Variants in CARHSP1 observed in about 807,000 individuals in gnomAD.
CARHSP1 encodes the protein calcium regulated heat stable protein 1, also known as calcium-regulated heat-stable protein 1.
Under a neutral mutation model 12.5 loss-of-function variants are expected in CARHSP1, and 14 were observed. The ratio of observed to expected loss-of-function variants is 1.12; its 90% CI spans 0.74 to 1.75. The LOEUF (loss-of-function observed/expected upper bound fraction) is 1.75, where lower values mean the gene tolerates loss of function less well. Ranked by LOEUF, CARHSP1 falls within the 40% of genes most tolerant of loss-of-function variation. CARHSP1 has a pLI of 0.00. For missense variants in CARHSP1, 343 were observed against 201.6 expected (o/e 1.70, Z -4.25); for synonymous variants, 161 against 82.0 (o/e 1.96, Z -5.20).
chr16:8,859,255 C>T lies in CARHSP1; in HGVS notation c.74G>A (p.Arg25Gln), dbSNP rs372296266. The change falls in exon 2 of 4, where the codon CGG becomes CAG. Residue 25 changes from arginine to glutamine, a missense_variant. Physicochemically the swap from Arg to Gln is conservative, Grantham distance 43 (BLOSUM62 1). Transcript: ENST00000311052. Reference protein sequence around the residue: ...QASVGLLDTPRSRERSPSPLR... With the variant: ...QASVGLLDTPQSRERSPSPLR... ...AGGGGATGGTGAGCGCTCACGGCTC[C>T]GAGGGGTGTCCAGCAGCCCGACTGA... The T allele has an allele frequency of 5.4e-5, 86 of 1,599,038 alleles. No homozygotes were observed. The highest frequency in any genetic ancestry group is 3.6e-4 in the East Asian group (16 of 44,506).
rs74668771 is a variant in CARHSP1, at chr16:8,856,248, A to C, written c.282-922T>G. ...CCTCTCACATGAGACTGGCATCTTG[A>C]TGTCCCCTTGATGAAACCCCCCCAG... On this transcript the variant is annotated intron_variant, in intron 3 of 3. Coordinates refer to ENST00000311052, the MANE Select transcript of CARHSP1 (RefSeq NM_014316.4). Among the ~76,000 whole-genome samples the C allele has an allele frequency of 5.3e-4, 81 of 152,216 alleles. 1 individual carries two copies. In the East Asian group the frequency reaches 0.014, roughly 26 times the overall value.
At position 8,858,944 on chromosome 16, in the gene CARHSP1, C is replaced by A. The variant is rs1242338129; in HGVS notation, c.158+227G>T. The A allele has an allele frequency of 2.5e-5, 12 of 471,104 alleles. No individual in the cohort carries two copies. The East Asian group carries it at 3.9e-4, about 15-fold the overall frequency. The allele number at this position is 471,104 out of a possible 1,614,324, so 29.2% of individuals were successfully genotyped here. On this transcript the variant is annotated intron_variant, in intron 2 of 3. Transcript: ENST00000311052. ...CAGCGATTCTGACCCCAGCAACTGCCCACCCATTGCCACTCCCAGCTGGTA... is the reference window on the plus strand; with the variant it reads ...CAGCGATTCTGACCCCAGCAACTGCACACCCATTGCCACTCCCAGCTGGTA...
intron 2 of CARHSP1, 136 bp downstream of exon 2, chr16:8,859,035 G>A (rs1455033684): frequency 2.6e-6 from 2 of 766,026 alleles, no homozygotes; most frequent in Non-Finnish European, 4.0e-6. Flanking sequence ...CTCACCCTCA[G>A]CCCACGGCCC....
intron 1 of CARHSP1, among the ~76,000 whole-genome samples, chr16:8,861,058 A>AG (rs2061337068): frequency 3.4e-5 from 1 of 29,256 alleles, no homozygotes. Context: ...TCAAAAAAAA[A>AG]TAAATAACTT....
chr16:8,858,324 GCCA>G, intron 3 of CARHSP1, 23 bp downstream of exon 3: 1 of 1,609,608 alleles, frequency 6.2e-7, no homozygotes, highest in Non-Finnish European at 8.5e-7. Flanking sequence ...CCCCAGCCAG[GCCA>G]CCCAGACCTG....
intron 1 of CARHSP1, chr16:8,866,431 C>T: frequency 5.1e-6 from 5 of 985,288 alleles, no homozygotes; most frequent in Non-Finnish European, 6.0e-6. Context: ...CCTTAGTGCA[C>T]CTGGGTTCCT....
At chr16:8,860,369 G>C (rs886460789) in intron 1 of CARHSP1, 27 of 985,380 alleles carry the variant, frequency 2.7e-5, no homozygotes, top group Middle Eastern at 5.2e-4. Flanking sequence ...TCCAGCTGGA[G>C]GGCGGGAATT....
chr16:8,859,233 G>C lies in CARHSP1; in HGVS notation c.96C>G (p.Ser32=), dbSNP rs1376364432. 2 of 1,602,180 alleles carry C rather than the reference G, an allele frequency of 1.2e-6. No homozygotes were observed. The highest frequency in any genetic ancestry group is 1.1e-5 in the South Asian group (1 of 89,238). The change falls in exon 2 of 4, where the codon TCC becomes TCG. Residue 32 remains serine (S), a synonymous_variant. Transcript: ENST00000311052. ...DTPRSRERSP[S]PLRGNVVPSP... ...TTGGGACCACGTTGCCCCGCAGAGG[G>C]GATGGTGAGCGCTCACGGCTCCGAG...
chr16:8,861,697 C>T, intron 1 of CARHSP1: 2 of 1,288,968 alleles, frequency 1.6e-6, no homozygotes, highest in Non-Finnish European at 2.0e-6. Flanking sequence ...ACAGCCGCGG[C>T]CAAGGAGGAA....
At chr16:8,858,892 A>C in intron 2 of CARHSP1, 2 of 421,710 alleles carry the variant, frequency 4.7e-6, no homozygotes, top group East Asian at 3.8e-5. Context: ...CTCACAGGGA[A>C]CCAGACTCTC....
In CARHSP1 at chr16:8,858,347, C is replaced by G. The variant is rs758208221; in HGVS notation, c.281+3G>C. On this transcript the variant is annotated splice_donor_region_variant and intron_variant, in intron 3 of 3. Transcript: ENST00000311052. ...AGGCCACCCAGACCTGCCGCTGACT[C>G]ACTCAGAGATGTGCAGGAAGATGTC... 11 of 1,613,336 alleles carry G rather than the reference C, an allele frequency of 6.8e-6. No homozygotes were observed. Among genetic ancestry groups the G allele is most frequent in the East Asian group, 2.2e-5 (1 of 44,876 alleles).
chr16:8,868,323 A>G (rs1292456001), intron 1 of CARHSP1: 1 of 152,130 alleles, frequency 6.6e-6, no homozygotes, highest in Non-Finnish European at 1.5e-5. Flanking sequence ...TCCGGCCTGC[A>G]AACCTGAACC....
At chr16:8,866,713 A>G (rs1023060812) in intron 1 of CARHSP1, among the ~76,000 whole-genome samples, 65 of 136,010 alleles carry the variant, frequency 4.8e-4, no homozygotes, top group Non-Finnish European at 4.9e-4. Flanking sequence ...GGGGAGGGAC[A>G]CGAAGGGATG....
rs1043972770 is a variant in CARHSP1 at position 8,858,627 on chromosome 16, G to A, written c.159-155C>T. ...GAGGACTGCACAACCCTCAACCCTG[G>A]GAGCCGCTCACAAAGACGCTGGGGG... On this transcript the variant is annotated intron_variant, in intron 2 of 3. Coordinates refer to ENST00000311052, the MANE Select transcript of CARHSP1 (RefSeq NM_014316.4). 29 of 906,688 alleles carry A rather than the reference G, an allele frequency of 3.2e-5. No individual in the cohort carries two copies. In the African/African-American group the frequency reaches 4.5e-4, roughly 14 times the overall value. The allele number at this position is 906,688 out of a possible 1,614,324, so 56.2% of individuals were successfully genotyped here. A position where few individuals can be genotyped will look rare whatever the true frequency, so the allele number is the denominator to read the frequency against.
At chr16:8,857,359 C>G (rs2061168047) in intron 3 of CARHSP1, 1 of 139,094 alleles carries the variant, frequency 7.2e-6, no homozygotes, top group African/African-American at 2.7e-5. Context: ...CTCGGCTCAC[C>G]ATAACCTCCA....
chr16:8,861,039 G>C (rs1250030625), intron 1 of CARHSP1, among the ~76,000 whole-genome samples: 2 of 131,144 alleles, frequency 1.5e-5, no homozygotes, highest in East Asian at 4.8e-4. Flanking sequence ...GACAGAGTGA[G>C]ACTCCGTCTC....
chr16:8,856,509 C>T (rs1342035510), intron 3 of CARHSP1, among the ~76,000 whole-genome samples: 1 of 152,144 alleles, frequency 6.6e-6, no homozygotes, highest in Non-Finnish European at 1.5e-5. Context: ...GATTCAAAAT[C>T]CTTTCTGGGA....
chr16:8,863,167 T>A (rs1277548544), intron 1 of CARHSP1, among the ~76,000 whole-genome samples: 1 of 131,582 alleles, frequency 7.6e-6, no homozygotes, highest in Non-Finnish European at 1.6e-5. Context: ...TCACCTAGGC[T>A]GGAATGCAGT....
At chr16:8,863,697 C>A (rs1052766264) in intron 1 of CARHSP1, among the ~76,000 whole-genome samples, 1 of 152,090 alleles carries the variant, frequency 6.6e-6, no homozygotes, top group African/African-American at 2.4e-5. Context: ...CCCAGTAGGC[C>A]CAGCAGAGAG....
Sources: allele counts gnomAD v4.1 joint callset (sites outside exome capture counted in the v4.1 genomes callset), GRCh38; gene constraint gnomAD v4.1.1; transcripts MANE v1.5; gene names NCBI Gene and HGNC (gene_info 2026-07-23, HGNC 2026-07-21).